The following NUDC variants were observed in gnomAD, a reference collection of about 807,000 sequenced individuals.
NUDC encodes the protein nuclear migration protein nudC.
NUDC carries 14 observed loss-of-function variants against 45.0 expected under a neutral mutation model. That is an observed-to-expected ratio of 0.31 (90% CI 0.21 to 0.49). NUDC has a LOEUF of 0.49. Among genes scored for constraint, NUDC ranks in the 20% least tolerant of loss-of-function variants. The pLI, the probability that NUDC is intolerant of heterozygous loss-of-function variation, is 0.99. For missense variants in NUDC, 323 were observed against 426.2 expected (o/e 0.76, Z 2.13); for synonymous variants, 153 against 156.7 (o/e 0.98, Z 0.17).
chr1:26,918,521 G>A (rs1388761663), upstream of NUDC, among the ~76,000 whole-genome samples: 3 of 149,610 alleles, frequency 2.0e-5, no homozygotes, highest in African/African-American at 7.4e-5. Flanking sequence ...TGATCTGCCC[G>A]CCTTGGCCTC....
intron 2 of NUDC, among the ~76,000 whole-genome samples, chr1:26,907,150 T>TTGCTCTCTGACATC (rs2082006147): frequency 6.6e-6 from 1 of 152,214 alleles, no homozygotes; most frequent in South Asian, 2.1e-4. Context: ...TAAGCACCTC[T>TTGCTCTCTGACATC]TGCTCTCTGA....
chr1:26,913,807 C>G lies in NUDC; in HGVS notation c.93+2572C>G, dbSNP rs150546920. 2.3e-5 allele frequency: 35 copies of G among 1,526,314 alleles called. No homozygotes were observed. The East Asian group carries it at 6.4e-4, about 28-fold the overall frequency. 94.5% of individuals were successfully genotyped at this position (1,526,314 alleles called of 1,614,324 possible). On this transcript the variant is annotated intron_variant, in intron 3 of 6. Coordinates refer to the NUDC transcript ENST00000435827. ...ATGAGGTGCACATAGCTGGACGGGC[C>G]GGTGCTGCCTACATAGGCAGCGGCT...
intron 3 of NUDC, among the ~76,000 whole-genome samples, chr1:26,915,047 A>C (rs1158208640): frequency 1.4e-5 from 2 of 143,962 alleles, no homozygotes; most frequent in Admixed American, 7.0e-5. Context: ...ATATATACAC[A>C]TACATACATA....
chr1:26,935,001 A>C (rs1337404868), intron 2 of NUDC, among the ~76,000 whole-genome samples: 1 of 144,118 alleles, frequency 6.9e-6, no homozygotes, highest in African/African-American at 2.6e-5. Context: ...TTTTCTTTTG[A>C]GACAGAGTCT....
intron 2 of NUDC, among the ~76,000 whole-genome samples, chr1:26,906,647 A>C (rs559678932): frequency 6.6e-6 from 1 of 151,868 alleles, no homozygotes; most frequent in East Asian, 1.9e-4. Flanking sequence ...CAGGAGATCA[A>C]GACCATCCTG....
chr1:26,927,995 G>A (rs2082148422), intron 2 of NUDC, among the ~76,000 whole-genome samples: 1 of 152,078 alleles, frequency 6.6e-6, no homozygotes, highest in South Asian at 2.1e-4. Flanking sequence ...AATACCTCAT[G>A]CCACGAACTT....
At chr1:26,943,171 T>C (rs2082292867) in intron 6 of NUDC, 106 bp downstream of exon 6, 1 of 1,123,018 alleles carries the variant, frequency 8.9e-7, no homozygotes, top group East Asian at 2.3e-5. Flanking sequence ...TGGGATTATC[T>C]TAATCCCCAT....
chr1:26,942,721 G>A lies in NUDC; in HGVS notation c.491G>A (p.Gly164Asp). Residue 164 changes from glycine (G) to aspartate (D), a missense_variant, in exon 5 of 9, where the codon GGC becomes GAC. Around this residue, in one of 3 missense-constraint regions of NUDC, gnomAD observed 245 missense variants for 278.8 expected, o/e 0.88. Transcript: ENST00000321265. ...KDKGKLKPNL[G>D]NGADLPNYRW... ...AAAGGAAAACTGAAGCCCAACCTAG[G>A]CAACGGGGCAGACCTGCCCAATTAC... The A allele has an allele frequency of 6.2e-7, 1 of 1,614,260 alleles. No homozygotes were observed. The highest frequency in any genetic ancestry group is 2.2e-5 in the East Asian group (1 of 44,886).
chr1:26,913,646 C>A, intron 3 of NUDC: 1 of 1,613,762 alleles, frequency 6.2e-7, no homozygotes, highest in Admixed American at 1.7e-5. Context: ...TGGGCCAACC[C>A]AAGCAGGAAG....
chr1:26,911,490 T>G, intron 3 of NUDC: 1 of 347,094 alleles, frequency 2.9e-6, no homozygotes. Context: ...AGGCTCCAAG[T>G]GTTTCATACC....
chr1:26,903,670 C>A (rs1257564241), intron 2 of NUDC, among the ~76,000 whole-genome samples: 1 of 151,928 alleles, frequency 6.6e-6, no homozygotes, highest in East Asian at 1.9e-4. Context: ...GAGTTGGAGA[C>A]CAGCCTGGGC....
upstream of NUDC, among the ~76,000 whole-genome samples, chr1:26,918,831 C>T (rs1170594781): frequency 1.3e-5 from 2 of 152,150 alleles, no homozygotes; most frequent in Non-Finnish European, 2.9e-5. Context: ...CTGCCTCAGC[C>T]TCCCAAAGTG....
At chr1:26,912,581 T>A (rs1182709978) in intron 3 of NUDC, among the ~76,000 whole-genome samples, 1 of 152,192 alleles carries the variant, frequency 6.6e-6, no homozygotes, top group East Asian at 1.9e-4. Context: ...CACAAGGGAC[T>A]CCTGGGGAAC....
intron 2 of NUDC, among the ~76,000 whole-genome samples, chr1:26,925,481 C>G (rs1251835867): frequency 2.3e-5 from 3 of 132,884 alleles, no homozygotes; most frequent in Non-Finnish European, 4.6e-5. Flanking sequence ...GCGGAGCTTG[C>G]AGTGAGCCGA....
chr1:26,924,289 G>A (rs969861019), intron 2 of NUDC, 123 bp downstream of exon 2: 10 of 788,856 alleles, frequency 1.3e-5, no homozygotes, highest in South Asian at 5.8e-5. Context: ...TGAGGAATTG[G>A]GGAAGGGAAG....
chr1:26,945,827 GCTTGCCTACT>G lies in NUDC; in HGVS notation c.944+146_944+155del, dbSNP rs1187156404. ...CCATGTTTATGGCTTTATGGCTTTG[GCTTGCCTACT>G]CTTGTCATTTGCTGAGGTCATCTTG... On this transcript the variant is annotated intron_variant, in intron 8 of 8. Transcript: ENST00000321265. The G allele has an allele frequency of 4.5e-5, 36 of 797,622 alleles. No homozygotes were observed. The African/African-American group carries it at 5.4e-4, about 12-fold the overall frequency. The allele number at this position is 797,622 out of a possible 1,614,324, so 49.4% of individuals were successfully genotyped here.
At chr1:26,929,450 T>C (rs762650837) in intron 2 of NUDC, among the ~76,000 whole-genome samples, 8 of 151,976 alleles carry the variant, frequency 5.3e-5, no homozygotes, top group Non-Finnish European at 1.0e-4. Context: ...ATAATCTAAT[T>C]ACTTACATCC....
In NUDC at chr1:26,906,519, A is replaced by G. The variant is rs116997559; in HGVS notation, c.-16+4153A>G. On this transcript the variant is annotated intron_variant, in intron 2 of 6. Transcript: ENST00000435827. ...CACAGAGTTGTGAGAGTGAAATACC[A>G]TAATCCAGGAAATGTGTTTAGAGCA... is the stretch of plus-strand genomic sequence containing the variant. Among the ~76,000 whole-genome samples the G allele has an allele frequency of 5.4e-4, 82 of 152,186 alleles. 3 individuals carry two copies. In the East Asian group the frequency reaches 0.016, roughly 30 times the overall value.
intron 2 of NUDC, among the ~76,000 whole-genome samples, chr1:26,903,763 C>T (rs2124046845): frequency 6.6e-6 from 1 of 152,082 alleles, no homozygotes; most frequent in South Asian, 2.1e-4. Context: ...GTAATTCCAG[C>T]ACTTTGGGAG....
Sources: allele counts gnomAD v4.1 joint callset (sites outside exome capture counted in the v4.1 genomes callset), GRCh38; gene constraint gnomAD v4.1.1; regional missense constraint gnomAD v4.1.1; transcripts MANE v1.5; gene names NCBI Gene and HGNC (gene_info 2026-07-23, HGNC 2026-07-21).